FAM163A: variants seen among roughly 807,000 people sequenced by gnomAD.
FAM163A encodes family with sequence similarity 163 member A.
Under a neutral mutation model 12.0 loss-of-function variants are expected in FAM163A, and 7 were observed. The ratio of observed to expected loss-of-function variants is 0.58; its 90% CI spans 0.33 to 1.10. The LOEUF (loss-of-function observed/expected upper bound fraction) is 1.10, where lower values mean the gene tolerates loss of function less well. FAM163A is among the 50% of genes least tolerant of loss of function. The probability of loss-of-function intolerance (pLI) is 0.03; values close to 1 mark genes in which losing one functional copy is unlikely to be tolerated. For missense variants in FAM163A, 202 were observed against 218.6 expected (o/e 0.92, Z 0.48); for synonymous variants, 101 against 91.0 (o/e 1.11, Z -0.62).
chr1:179,792,394 C>T (rs1035233941), intron 1 of FAM163A, among the ~76,000 whole-genome samples: 1 of 151,944 alleles, frequency 6.6e-6, no homozygotes, highest in Non-Finnish European at 1.5e-5. Flanking sequence ...TCCACCCCCG[C>T]TTAGCCTCCC....
In FAM163A at chr1:179,813,931, G is replaced by T; in HGVS notation, c.246G>T (p.Glu82Asp). The change falls in exon 5 of 5, where the codon GAG becomes GAT. Residue 82 changes from glutamate to aspartate, a missense_variant. By Grantham distance (45) the Glu-to-Asp change is conservative. Coordinates refer to ENST00000341785, the MANE Select transcript of FAM163A (RefSeq NM_173509.3). ...GRGSLAPLTS[E>D]PCSQPCGVAA... The stretch of plus-strand genomic sequence containing the variant: ...GCAGCCTGGCGCCTCTCACCAGCGA[G>T]CCCTGCAGCCAGCCCTGTGGGGTGG... The T allele has an allele frequency of 6.2e-7, 1 of 1,613,598 alleles. No homozygotes were observed. Among genetic ancestry groups the T allele is most frequent in the Non-Finnish European group, 8.5e-7 (1 of 1,179,996 alleles).
At chr1:179,733,799 T>G in the FAM163A span, among the ~76,000 whole-genome samples, 1 of 152,166 alleles carries the variant, frequency 6.6e-6, no homozygotes, top group African/African-American at 2.4e-5. Flanking sequence ...TAGAGAAACT[T>G]TGCTGAAGGC....
At chr1:179,785,541 G>A (rs1354975750) in intron 1 of FAM163A, among the ~76,000 whole-genome samples, 1 of 152,122 alleles carries the variant, frequency 6.6e-6, no homozygotes, top group Non-Finnish European at 1.5e-5. Context: ...TGTTGTTTTT[G>A]TTTTGGGGGA....
intron 1 of FAM163A, among the ~76,000 whole-genome samples, chr1:179,770,284 G>A (rs1688100547): frequency 6.6e-6 from 1 of 152,070 alleles, no homozygotes; most frequent in Non-Finnish European, 1.5e-5. Flanking sequence ...CCTCATATTT[G>A]CTCATTCATG....
chr1:179,785,026 A>G (rs1175063335), intron 1 of FAM163A, among the ~76,000 whole-genome samples: 1 of 152,210 alleles, frequency 6.6e-6, no homozygotes, highest in East Asian at 1.9e-4. Flanking sequence ...AATATAGAAC[A>G]TGAAGAGATT....
upstream of FAM163A, among the ~76,000 whole-genome samples, chr1:179,741,473 A>G (rs1683630266): frequency 6.6e-6 from 1 of 152,276 alleles, no homozygotes; most frequent in African/African-American, 2.4e-5. Flanking sequence ...CAGGAGATAT[A>G]CACAAAAATG....
intron 1 of FAM163A, among the ~76,000 whole-genome samples, chr1:179,767,243 A>G (rs1687631431): frequency 6.6e-6 from 1 of 152,104 alleles, no homozygotes; most frequent in African/African-American, 2.4e-5. Flanking sequence ...AAGGGGCTGG[A>G]CATGTTCGAG....
chr1:179,782,927 G>A (rs1689996611), intron 1 of FAM163A, among the ~76,000 whole-genome samples: 1 of 152,132 alleles, frequency 6.6e-6, no homozygotes, highest in Non-Finnish European at 1.5e-5. Flanking sequence ...CCAGCAACTT[G>A]TATCCCAAAC....
intron 1 of FAM163A, among the ~76,000 whole-genome samples, chr1:179,775,901 C>A (rs1263721162): frequency 1.3e-5 from 2 of 152,134 alleles, no homozygotes; most frequent in African/African-American, 2.4e-5. Context: ...ATTTTACTAC[C>A]CTCAGAATAT....
At chr1:179,769,681 G>C (rs1687996236) in intron 1 of FAM163A, among the ~76,000 whole-genome samples, 2 of 152,190 alleles carry the variant, frequency 1.3e-5, no homozygotes, top group African/African-American at 4.8e-5. Context: ...CCCCGTGGCA[G>C]AGGTGGCAGT....
chr1:179,745,934 C>G (rs1262025449), intron 1 of FAM163A, among the ~76,000 whole-genome samples: 1 of 152,164 alleles, frequency 6.6e-6, no homozygotes, highest in Non-Finnish European at 1.5e-5. Context: ...AATAAAGACT[C>G]TTACTTGTAG....
chr1:179,793,262 G>A (rs1691782178), intron 1 of FAM163A, among the ~76,000 whole-genome samples: 1 of 152,102 alleles, frequency 6.6e-6, no homozygotes, highest in Non-Finnish European at 1.5e-5. Context: ...GTGTCCCAGT[G>A]GCAGGCCATA....
At position 179,796,604 on chromosome 1, in the gene FAM163A, T is replaced by C. The variant is rs527986616; in HGVS notation, c.-135-11194T>C. ...CTTCTCACACGCCTGTCATGCTGGCTCTTTGATATCTCCCCCTCTTCTCTC... is the reference window on the plus strand; with the variant it reads ...CTTCTCACACGCCTGTCATGCTGGCCCTTTGATATCTCCCCCTCTTCTCTC... On this transcript the variant is annotated intron_variant, in intron 1 of 4. Transcript: ENST00000341785. 2.6e-5 allele frequency among the ~76,000 whole-genome samples: 4 copies of C among 152,276 alleles called. No homozygotes were observed. The South Asian group carries it at 8.3e-4, about 32-fold the overall frequency.
chr1:179,808,795 A>C (rs914381522), intron 2 of FAM163A, among the ~76,000 whole-genome samples: 3 of 152,132 alleles, frequency 2.0e-5, no homozygotes, highest in African/African-American at 7.2e-5. Context: ...GCCATAAGAG[A>C]GCATAAATGG....
At chr1:179,789,424 T>G (rs1287801106) in intron 1 of FAM163A, among the ~76,000 whole-genome samples, 2 of 152,240 alleles carry the variant, frequency 1.3e-5, no homozygotes, top group Admixed American at 6.5e-5. Flanking sequence ...TCAGGTGATC[T>G]GCCCACCTTG....
At chr1:179,762,213 C>T (rs1356664429) in intron 1 of FAM163A, among the ~76,000 whole-genome samples, 1 of 152,186 alleles carries the variant, frequency 6.6e-6, no homozygotes, top group East Asian at 1.9e-4. Flanking sequence ...AGAAACCTAT[C>T]TCATAGATAG....
At chr1:179,771,691 G>T (rs970955775) in intron 1 of FAM163A, among the ~76,000 whole-genome samples, 1 of 152,140 alleles carries the variant, frequency 6.6e-6, no homozygotes, top group South Asian at 2.1e-4. Flanking sequence ...CCCCAGAGAC[G>T]GTTCACCGCC....
intron 1 of FAM163A, among the ~76,000 whole-genome samples, chr1:179,788,659 A>G (rs1355933565): frequency 1.3e-5 from 2 of 152,160 alleles, no homozygotes; most frequent in Non-Finnish European, 2.9e-5. Context: ...AATAATATCT[A>G]TATCCCAGGG....
chr1:179,731,384 T>C, the FAM163A span, among the ~76,000 whole-genome samples: 7 of 151,716 alleles, frequency 4.6e-5, no homozygotes, highest in African/African-American at 1.7e-4. Flanking sequence ...AAACCATTTC[T>C]GATGTGAGAG....
Sources: allele counts gnomAD v4.1 joint callset (sites outside exome capture counted in the v4.1 genomes callset), GRCh38; gene constraint gnomAD v4.1.1; transcripts MANE v1.5; gene names NCBI Gene and HGNC (gene_info 2026-07-23, HGNC 2026-07-21).